The following MROH9 variants were observed in gnomAD, a reference collection of about 807,000 sequenced individuals.
The protein encoded by MROH9 is maestro heat like repeat family member 9.
A neutral mutation model predicts 98.2 loss-of-function variants in MROH9; 92 were observed. The ratio of observed to expected loss-of-function variants is 0.94; its 90% CI spans 0.79 to 1.11. MROH9 has a LOEUF of 1.11. MROH9 is among the 50% of genes most tolerant of loss of function. MROH9 has a pLI of 0.00. For missense variants in MROH9, 1,057 were observed against 1,014.8 expected (o/e 1.04, Z -0.57); for synonymous variants, 397 against 368.9 (o/e 1.08, Z -0.87).
chr1:170,947,522 G>T lies in MROH9; in HGVS notation c.26-5G>T. The T allele has an allele frequency of 6.2e-7, 1 of 1,609,942 alleles. No individual in the cohort carries two copies. Among genetic ancestry groups the T allele is most frequent in the Non-Finnish European group, 8.5e-7 (1 of 1,176,948 alleles). ...TTTTTAACGAATCTCCTTCTTTCTG[G>T]CTAGAGAGTAGTCTCCAGATTCTGC... On this transcript the variant is annotated splice_polypyrimidine_tract_variant and splice_region_variant and intron_variant, in intron 2 of 21. Coordinates refer to ENST00000367759, the MANE Select transcript of MROH9 (RefSeq NM_001163629.2).
chr1:170,962,122 A>G, intron 6 of MROH9, 146 bp downstream of exon 6: 1 of 539,080 alleles, frequency 1.9e-6, no homozygotes, highest in Non-Finnish European at 3.3e-6. Flanking sequence ...AGTGAAATGT[A>G]GTCACTTCCC....
chr1:170,955,639 T>A (rs766095308), intron 3 of MROH9, among the ~76,000 whole-genome samples: 9 of 152,190 alleles, frequency 5.9e-5, no homozygotes, highest in Non-Finnish European at 1.0e-4. Flanking sequence ...TGTCTACTCA[T>A]GTCTTGGCCC....
At chr1:170,988,728 T>C (rs928177458) in intron 10 of MROH9, among the ~76,000 whole-genome samples, 1 of 152,168 alleles carries the variant, frequency 6.6e-6, no homozygotes, top group Admixed American at 6.5e-5. Flanking sequence ...AAATTGCATA[T>C]ACAGTATATG....
At position 171,024,379 on chromosome 1, in the gene MROH9, C is replaced by A. The variant is rs1373792968; in HGVS notation, c.1909-16C>A. The A allele has an allele frequency of 2.6e-6, 4 of 1,547,828 alleles. No individual in the cohort carries two copies. The highest frequency in any genetic ancestry group is 3.5e-6 in the Non-Finnish European group (4 of 1,145,354). On this transcript the variant is annotated splice_polypyrimidine_tract_variant and intron_variant, in intron 17 of 21. Coordinates refer to ENST00000367759, the MANE Select transcript of MROH9 (RefSeq NM_001163629.2). ...GCCCTAATATTATCCTCAAATAAGG[C>A]CTTTGTCTTTTACAGATTAATGGAG...
chr1:171,033,021 G>A (rs942610970), intron 20 of MROH9, among the ~76,000 whole-genome samples: 10 of 152,210 alleles, frequency 6.6e-5, no homozygotes, highest in Non-Finnish European at 1.2e-4. Flanking sequence ...AGGAAGGATG[G>A]GTAAGAGTCA....
At chr1:170,957,079 CTGATT>C (rs888937918) in intron 3 of MROH9, among the ~76,000 whole-genome samples, 5 of 144,222 alleles carry the variant, frequency 3.5e-5, no homozygotes, top group African/African-American at 1.0e-4. Context: ...AACCCCTTAT[CTGATT>C]TATGTTTTAC....
At chr1:171,013,026 T>C (rs183129510) in intron 15 of MROH9, among the ~76,000 whole-genome samples, 1 of 152,206 alleles carries the variant, frequency 6.6e-6, no homozygotes, top group East Asian at 1.9e-4. Context: ...CTCTCATCTT[T>C]CAGGTGCTCA....
rs564466953 is a variant in MROH9, at chr1:171,013,301, G to A, written c.1597-816G>A. On this transcript the variant is annotated intron_variant, in intron 15 of 21. Transcript: ENST00000367759. ...GCACAGCGGGAAGTGAGCAGCATGC[G>A]AGCATTACCACCTGAGCTCTGCCTC... is the stretch of plus-strand genomic sequence containing the variant. Among the ~76,000 whole-genome samples, 5 of 152,294 alleles carry A rather than the reference G, an allele frequency of 3.3e-5. No individual in the cohort carries two copies. The East Asian group carries it at 5.8e-4, about 18-fold the overall frequency.
intron 15 of MROH9, among the ~76,000 whole-genome samples, chr1:171,009,693 A>T (rs550006799): frequency 1.3e-5 from 2 of 152,340 alleles, no homozygotes; most frequent in African/African-American, 4.8e-5. Context: ...GACAGCTAGG[A>T]GTACTTTAGC....
In MROH9 at chr1:170,989,891, T is replaced by A; in HGVS notation, c.916T>A (p.Cys306Ser). The part of the protein sequence containing the change: ...KIVDAIYRQL[C>S]DNNCMKDVML... ...CGTGGATGCTATTTACAGGCAACTG[T>A]GTGATAACAATTGTATGAAGGATGT... Residue 306 changes from cysteine to serine, a missense_variant, in exon 11 of 22, where the codon TGT becomes AGT. Physicochemically the swap from Cys to Ser is moderately radical, Grantham distance 112. Transcript: ENST00000367759. 1 of 1,611,228 alleles carries A rather than the reference T, an allele frequency of 6.2e-7. No individual in the cohort carries two copies. Among genetic ancestry groups the A allele is most frequent in the Non-Finnish European group, 8.5e-7 (1 of 1,177,862 alleles).
chr1:171,058,682 A>G lies in MROH9; in HGVS notation c.2282-3450A>G, dbSNP rs139187824. Among the ~76,000 whole-genome samples, 466 of 152,328 alleles carry G rather than the reference A, an allele frequency of 3.1e-3. 11 individuals carry two copies. The highest frequency in any genetic ancestry group is 7.1e-4 in the Non-Finnish European group (48 of 68,036). On this transcript the variant is annotated intron_variant, in intron 20 of 21. Transcript: ENST00000367759. ...ATGGAACAGAAAAGAGACCTCAGAA[A>G]TAACACTACACATCTACAACCATCT...
At chr1:170,935,667 G>C (rs1378871731) in intron 1 of MROH9, 80 bp downstream of exon 1, 1 of 151,612 alleles carries the variant, frequency 6.6e-6, no homozygotes, top group Non-Finnish European at 1.5e-5. Flanking sequence ...CTTAATTTTT[G>C]TTCTGTTAAG....
intron 15 of MROH9, among the ~76,000 whole-genome samples, chr1:171,008,259 T>C (rs1478239870): frequency 6.6e-6 from 1 of 152,174 alleles, no homozygotes; most frequent in Non-Finnish European, 1.5e-5. Flanking sequence ...TTATGTAACT[T>C]ATTAATAATA....
chr1:171,000,173 A>G (rs1651741209), intron 15 of MROH9, among the ~76,000 whole-genome samples: 2 of 152,112 alleles, frequency 1.3e-5, no homozygotes. Flanking sequence ...GTCATGCAAA[A>G]GATCTTTAGT....
intron 1 of MROH9, among the ~76,000 whole-genome samples, chr1:170,942,529 T>G (rs1439186290): frequency 1.3e-5 from 2 of 152,080 alleles, no homozygotes; most frequent in African/African-American, 2.4e-5. Context: ...AGCAAAGTCT[T>G]TGATAGGGTA....
At chr1:170,959,891 TG>T (rs1194803630) in intron 5 of MROH9, among the ~76,000 whole-genome samples, 2 of 152,156 alleles carry the variant, frequency 1.3e-5, no homozygotes, top group African/African-American at 4.8e-5. Context: ...AATAGGAACA[TG>T]GAAAGATGGA....
intron 8 of MROH9, among the ~76,000 whole-genome samples, chr1:170,976,931 A>G (rs948810512): frequency 6.6e-6 from 1 of 151,974 alleles, no homozygotes; most frequent in African/African-American, 2.4e-5. Context: ...TCTTTCCTTT[A>G]CATTCTGGTT....
At chr1:171,000,069 G>A (rs1367505572) in intron 15 of MROH9, among the ~76,000 whole-genome samples, 1 of 152,018 alleles carries the variant, frequency 6.6e-6, no homozygotes, top group Non-Finnish European at 1.5e-5. Flanking sequence ...GTTCATTGTA[G>A]ACCCTGGATA....
At chr1:171,006,397 A>C (rs1332977931) in intron 15 of MROH9, among the ~76,000 whole-genome samples, 1 of 151,994 alleles carries the variant, frequency 6.6e-6, no homozygotes, top group Non-Finnish European at 1.5e-5. Flanking sequence ...TGTCTCAGAT[A>C]ATTCTTCTTT....
Sources: allele counts gnomAD v4.1 joint callset (sites outside exome capture counted in the v4.1 genomes callset), GRCh38; gene constraint gnomAD v4.1.1; transcripts MANE v1.5; gene names NCBI Gene and HGNC (gene_info 2026-07-23, HGNC 2026-07-21).